The following MOB1A variants were observed in gnomAD, a reference collection of about 807,000 sequenced individuals.
The protein encoded by MOB1A is MOB1 Mps One Binder homolog A.
A neutral mutation model predicts 25.1 loss-of-function variants in MOB1A; 10 were observed. The observed-to-expected ratio is 0.40, with a 90% CI of 0.25 to 0.68. MOB1A has a LOEUF of 0.68. MOB1A is among the 30% of genes least tolerant of loss of function. The pLI is 0.40. For synonymous variants in MOB1A, 81 were observed against 79.5 expected (o/e 1.02, Z -0.10); for missense variants, 177 against 256.3 (o/e 0.69, Z 2.11).
intron 3 of MOB1A, 83 bp from the exon 4 acceptor site, chr2:74,165,434 ATT>A (rs1489631890): frequency 1.2e-6 from 1 of 807,410 alleles, no homozygotes; most frequent in African/African-American, 1.8e-5. Flanking sequence ...GTTCATTCAC[ATT>A]TTGTCAATAG....
rs1572959516 is a variant in MOB1A, at chr2:74,165,472, A to C, written c.276-121T>G. 6 of 542,424 alleles carry C rather than the reference A, an allele frequency of 1.1e-5. No homozygotes were observed. In the South Asian group the frequency reaches 1.6e-4, roughly 14 times the overall value. 33.6% of individuals were successfully genotyped at this position (542,424 alleles called of 1,614,324 possible). On this transcript the variant is annotated intron_variant, in intron 3 of 5. Transcript: ENST00000396049. The stretch of plus-strand genomic sequence containing the variant: ...AAGTTACATCTAACTTTAATAAATC[A>C]CCTTAAGTTCTACTGAAGATTACTG...
chr2:74,162,698 A>C (rs181803420), intron 4 of MOB1A, among the ~76,000 whole-genome samples: 163 of 152,292 alleles, frequency 1.1e-3, no homozygotes, highest in Non-Finnish European at 1.7e-3. Context: ...GACCAACAAC[A>C]AACAGACCAA....
chr2:74,160,637 T>A (rs548568220), intron 4 of MOB1A, among the ~76,000 whole-genome samples: 2 of 151,360 alleles, frequency 1.3e-5, no homozygotes, highest in Non-Finnish European at 2.9e-5. Context: ...GAGGTGGAGG[T>A]TGCAGTGAGC....
At chr2:74,164,968 G>T in intron 4 of MOB1A, 1 of 213,236 alleles carries the variant, frequency 4.7e-6, no homozygotes, top group South Asian at 1.7e-4. Flanking sequence ...CTTTTTGGAG[G>T]AGAATTTGGC....
rs13405518 is a variant in MOB1A at position 74,160,562 on chromosome 2, G to A, written c.410-1308C>T. Among the ~76,000 whole-genome samples, 1,214 of 152,164 alleles carry A rather than the reference G, an allele frequency of 8.0e-3. 16 individuals carry two copies. The highest frequency in any genetic ancestry group is 0.028 in the African/African-American group (1,156 of 41,506). On this transcript the variant is annotated intron_variant, in intron 4 of 5. Coordinates refer to ENST00000396049, the MANE Select transcript of MOB1A (RefSeq NM_018221.5). ...CTAAAAATACAAAAATTAGCCAGGG[G>A]TGGTGGCAGGCAACTGTAATCCCAG...
chr2:74,161,038 C>A (rs560016546), intron 4 of MOB1A, among the ~76,000 whole-genome samples: 1 of 152,174 alleles, frequency 6.6e-6, no homozygotes, highest in South Asian at 2.1e-4. Context: ...CCAGTCTGGG[C>A]GGCAGAGTGA....
intron 4 of MOB1A, chr2:74,164,113 T>C (rs941738362): frequency 1.3e-5 from 2 of 152,212 alleles, no homozygotes; most frequent in South Asian, 4.1e-4. Flanking sequence ...TGGCAATTTG[T>C]TGTGCACATA....
At chr2:74,171,477 TTAAAA>T (rs1693292857) in intron 2 of MOB1A, among the ~76,000 whole-genome samples, 1 of 152,200 alleles carries the variant, frequency 6.6e-6, no homozygotes, top group East Asian at 1.9e-4. Context: ...TGGGATTTGC[TTAAAA>T]TAATCAGGGT....
chr2:74,159,305 A>C, intron 4 of MOB1A, 51 bp from the exon 5 acceptor site: 1 of 1,544,744 alleles, frequency 6.5e-7, no homozygotes, highest in Non-Finnish European at 8.9e-7. Flanking sequence ...TAACAGTAGA[A>C]AGTTGTTTAT....
rs980628001 is a variant in MOB1A, at chr2:74,153,090, A to G, written c.*3478T>C. ...AAATTCCCTTATGGATCTCAGGGGG[A>G]AATAATGTGCCTGTTGAAGGGGCTC... is the stretch of plus-strand genomic sequence containing the variant. On this transcript the variant is annotated 3_prime_UTR_variant, in exon 6 of 6. Coordinates refer to ENST00000396049, the MANE Select transcript of MOB1A (RefSeq NM_018221.5). 1 of 152,118 alleles carries G rather than the reference A, an allele frequency of 6.6e-6. No individual in the cohort carries two copies. The highest frequency in any genetic ancestry group is 2.4e-5 in the African/African-American group (1 of 41,402). The allele number at this position is 152,118 out of a possible 1,614,324, so 9.4% of individuals were successfully genotyped here.
At chr2:74,175,558 GCTC>G (rs1452422055) in intron 1 of MOB1A, among the ~76,000 whole-genome samples, 5 of 152,136 alleles carry the variant, frequency 3.3e-5, no homozygotes, top group African/African-American at 9.7e-5. Context: ...ATACTGAAAA[GCTC>G]CTCAAGCCAT....
intron 1 of MOB1A, among the ~76,000 whole-genome samples, chr2:74,176,083 T>TAA (rs1358627675): frequency 3.5e-4 from 45 of 129,320 alleles, no homozygotes; most frequent in African/African-American, 1.3e-3. Flanking sequence ...CCGCCTCTAC[T>TAA]ACACACACAC....
At chr2:74,160,874 C>T (rs1226028406) in intron 4 of MOB1A, among the ~76,000 whole-genome samples, 1 of 152,088 alleles carries the variant, frequency 6.6e-6, no homozygotes, top group Admixed American at 6.6e-5. Flanking sequence ...GCCTGACCAA[C>T]ATGGTGAAAC....
intron 4 of MOB1A, among the ~76,000 whole-genome samples, chr2:74,162,268 G>A (rs913027718): frequency 9.9e-5 from 15 of 152,056 alleles, no homozygotes; most frequent in African/African-American, 3.6e-4. Context: ...ATCACTTGAG[G>A]TCAGGAGTTC....
In MOB1A at chr2:74,153,009, G is replaced by GA. The variant is rs1692701282; in HGVS notation, c.*3558dup. The GA allele has an allele frequency of 6.6e-6, 1 of 152,160 alleles. No homozygotes were observed. Among genetic ancestry groups the GA allele is most frequent in the South Asian group, 2.1e-4 (1 of 4,832 alleles). The allele number at this position is 152,160 out of a possible 1,614,324, so 9.4% of individuals were successfully genotyped here. ...ATATCAAAATTGAAAGCAAAAATAG[G>GA]ATGACCAAAGGACTACTATTTTACC... On this transcript the variant is annotated 3_prime_UTR_variant, in exon 6 of 6. Coordinates refer to ENST00000396049, the MANE Select transcript of MOB1A (RefSeq NM_018221.5).
rs763858382 is a variant in MOB1A at position 74,172,665 on chromosome 2, T to C, written c.102A>G (p.Ala34=). The change falls in exon 2 of 6, where the codon GCA becomes GCG. Residue 34 remains alanine, a synonymous_variant. Transcript: ENST00000396049. The stretch of plus-strand genomic sequence containing the variant: ...GTCTCAGATTCCCACTTCCTAGAGT[T>C]GCTTCTGCATGTTTTAAGAGTTCAT... ...HQYELLKHAE[A]TLGSGNLRQA... The C allele has an allele frequency of 6.2e-7, 1 of 1,613,964 alleles. No individual in the cohort carries two copies. The highest frequency in any genetic ancestry group is 8.5e-7 in the Non-Finnish European group (1 of 1,179,866).
intron 1 of MOB1A, among the ~76,000 whole-genome samples, chr2:74,176,123 C>G (rs868141904): frequency 4.6e-5 from 6 of 131,610 alleles, no homozygotes; most frequent in Admixed American, 7.9e-5. Context: ...CACACACACA[C>G]AAACTAGCCG....
intron 1 of MOB1A, among the ~76,000 whole-genome samples, chr2:74,177,006 T>C (rs1457137517): frequency 6.6e-6 from 1 of 152,110 alleles, no homozygotes; most frequent in African/African-American, 2.4e-5. Flanking sequence ...TTATTCATAA[T>C]GGCCAAAAAG....
intron 5 of MOB1A, among the ~76,000 whole-genome samples, chr2:74,158,615 C>T (rs773600691): frequency 6.6e-6 from 1 of 151,900 alleles, no homozygotes; most frequent in Non-Finnish European, 1.5e-5. Context: ...CCCGTCTCTA[C>T]TAAAAATACA....
Sources: gnomAD v4.1 joint callset for allele counts (sites outside exome capture counted in the v4.1 genomes callset) on GRCh38, gnomAD v4.1.1 for gene constraint, MANE v1.5 for transcripts, NCBI Gene and HGNC (gene_info 2026-07-23, HGNC 2026-07-21) for gene names.